The following PRKCH variants were observed in gnomAD, a reference collection of about 807,000 sequenced individuals.
PRKCH encodes protein kinase C eta.
PRKCH carries 28 observed loss-of-function variants against 82.5 expected under a neutral mutation model. The observed-to-expected ratio is 0.34, with a 90% CI of 0.25 to 0.47. The LOEUF is 0.47. PRKCH is among the 20% of genes least tolerant of loss of function. The probability of loss-of-function intolerance (pLI) is 1.00; values close to 1 mark genes in which losing one functional copy is unlikely to be tolerated. For missense variants in PRKCH, 705 were observed against 881.8 expected (o/e 0.80, Z 2.54); for synonymous variants, 322 against 327.4 (o/e 0.98, Z 0.18).
At chr14:61,242,261 G>T (rs1034464788) in intron 1 of PRKCH, among the ~76,000 whole-genome samples, 1 of 152,232 alleles carries the variant, frequency 6.6e-6, no homozygotes, top group Non-Finnish European at 1.5e-5. Context: ...GACAGTGAAT[G>T]GTCATACCTT....
chr14:61,251,786 G>T (rs1458694113), intron 1 of PRKCH, among the ~76,000 whole-genome samples: 1 of 151,914 alleles, frequency 6.6e-6, no homozygotes, highest in Non-Finnish European at 1.5e-5. Flanking sequence ...AAATCATTCT[G>T]TAAAGTGGTC....
In PRKCH at chr14:61,547,884, A is replaced by C. The variant is rs1399641129; in HGVS notation, c.1903A>C (p.Ile635Leu). 6.2e-7 allele frequency: 1 copy of C among 1,613,598 alleles called. No individual in the cohort carries two copies. Among genetic ancestry groups the C allele is most frequent in the Admixed American group, 1.7e-5 (1 of 59,974 alleles). The change falls in exon 13 of 14, where the codon ATC becomes CTC. Residue 635 changes from isoleucine to leucine, a missense_variant and splice_region_variant. Physicochemically the swap from Ile to Leu is conservative, Grantham distance 5. Coordinates refer to ENST00000332981, the MANE Select transcript of PRKCH (RefSeq NM_006255.5). ...AATAGAACCGCCTTTCAGACCCAGA[A>C]TCGTAAGTGTCCCAGGCTGTCACAG... is the stretch of plus-strand genomic sequence containing the variant. Reference protein sequence around the residue: ...RQIEPPFRPRIKSREDVSNFD... With the variant: ...RQIEPPFRPRLKSREDVSNFD...
intron 1 of PRKCH, among the ~76,000 whole-genome samples, chr14:61,224,538 G>C (rs1223954515): frequency 2.6e-5 from 4 of 152,180 alleles, no homozygotes; most frequent in Non-Finnish European, 5.9e-5. Context: ...TGACAGTCCT[G>C]AGGAGTGCTG....
At chr14:61,375,483 A>T (rs1410710623) in intron 1 of PRKCH, among the ~76,000 whole-genome samples, 2 of 152,036 alleles carry the variant, frequency 1.3e-5, no homozygotes, top group Non-Finnish European at 2.9e-5. Flanking sequence ...ATACAGAACT[A>T]CGTGAGACTG....
chr14:61,291,518 C>T (rs1036056982), intron 1 of PRKCH, among the ~76,000 whole-genome samples: 3 of 151,894 alleles, frequency 2.0e-5, no homozygotes, highest in Middle Eastern at 3.2e-3. Context: ...TTAGTAGAGA[C>T]GAGGTTTCAC....
At chr14:61,409,140 C>A (rs1189514505) in intron 2 of PRKCH, among the ~76,000 whole-genome samples, 1 of 152,196 alleles carries the variant, frequency 6.6e-6, no homozygotes, top group Non-Finnish European at 1.5e-5. Flanking sequence ...ATTGCCTCTC[C>A]TGGTGAGGAC....
At chr14:61,491,523 G>A (rs1886448401) in intron 10 of PRKCH, among the ~76,000 whole-genome samples, 1 of 152,156 alleles carries the variant, frequency 6.6e-6, no homozygotes. Flanking sequence ...TACTTAGCTT[G>A]TCATGCCTTG....
chr14:61,416,133 A>G (rs10136110), intron 2 of PRKCH, among the ~76,000 whole-genome samples: 30,215 of 139,524 alleles, frequency 0.22, 3,458 homozygotes, highest in Admixed American at 0.38. Context: ...GCTCACTGCA[A>G]CCTCTGCCCC....
chr14:61,221,199 C>T (rs996058933), intron 1 of PRKCH, among the ~76,000 whole-genome samples: 6 of 152,102 alleles, frequency 3.9e-5, no homozygotes, highest in African/African-American at 9.7e-5. Flanking sequence ...GGAGAGCCCA[C>T]GGGTTACCGA....
intron 1 of PRKCH, among the ~76,000 whole-genome samples, chr14:61,269,348 T>TTTAA (rs138551625): frequency 2.6e-5 from 4 of 152,260 alleles, no homozygotes; most frequent in South Asian, 4.1e-4. Flanking sequence ...TCCCAGGAAT[T>TTTAA]TTAATTAATT....
intron 12 of PRKCH, among the ~76,000 whole-genome samples, chr14:61,538,709 C>A (rs185336032): frequency 6.6e-6 from 1 of 152,082 alleles, no homozygotes; most frequent in Non-Finnish European, 1.5e-5. Flanking sequence ...CTTTTTGTTT[C>A]GAGTTAGAAA....
intron 2 of PRKCH, among the ~76,000 whole-genome samples, chr14:61,428,112 CATATATAT>C (rs112740584): frequency 6.9e-6 from 1 of 145,524 alleles, no homozygotes; most frequent in African/African-American, 2.7e-5. Context: ...TATATACACA[CATATATAT>C]ATATATATAT....
At chr14:61,487,485 G>A (rs916287264) in intron 10 of PRKCH, among the ~76,000 whole-genome samples, 3 of 152,128 alleles carry the variant, frequency 2.0e-5, no homozygotes, top group African/African-American at 4.8e-5. Context: ...CTCTGATGGT[G>A]AAGGGAGTTA....
chr14:61,419,337 C>T (rs1459535042), intron 2 of PRKCH, among the ~76,000 whole-genome samples: 2 of 152,186 alleles, frequency 1.3e-5, no homozygotes, highest in East Asian at 1.9e-4. Flanking sequence ...AAATCTCCTA[C>T]AGAATCCAAA....
At chr14:61,439,098 T>C (rs1442662200) in intron 2 of PRKCH, among the ~76,000 whole-genome samples, 1 of 151,316 alleles carries the variant, frequency 6.6e-6, no homozygotes, top group African/African-American at 2.4e-5. Flanking sequence ...CATGTTAGGG[T>C]TGCCTGACGT....
intron 1 of PRKCH, among the ~76,000 whole-genome samples, chr14:61,264,360 A>T (rs779747551): frequency 6.6e-5 from 10 of 152,214 alleles, no homozygotes; most frequent in Non-Finnish European, 1.5e-4. Flanking sequence ...AGGTTCCACT[A>T]ATTAAATATT....
intron 6 of PRKCH, among the ~76,000 whole-genome samples, chr14:61,452,431 A>G (rs1884553936): frequency 6.6e-6 from 1 of 152,072 alleles, no homozygotes; most frequent in African/African-American, 2.4e-5. Context: ...TTGTCGCTTC[A>G]GTTTCACCTC....
At chr14:61,253,984 TCC>T (rs1315888348) in intron 1 of PRKCH, among the ~76,000 whole-genome samples, 1 of 36,640 alleles carries the variant, frequency 2.7e-5, no homozygotes, top group African/African-American at 1.0e-4. Flanking sequence ...CCCTCCTCCC[TCC>T]CTCCCTCCCT....
intron 10 of PRKCH, among the ~76,000 whole-genome samples, chr14:61,523,379 T>C (rs2042928946): frequency 6.6e-6 from 1 of 152,240 alleles, no homozygotes; most frequent in African/African-American, 2.4e-5. Context: ...TTGTTTCAAT[T>C]AAAGTCCTTT....
Sources: allele counts gnomAD v4.1 joint callset (sites outside exome capture counted in the v4.1 genomes callset), GRCh38; gene constraint gnomAD v4.1.1; transcripts MANE v1.5; gene names NCBI Gene and HGNC (gene_info 2026-07-23, HGNC 2026-07-21).